Variants in CRACD observed in about 807,000 individuals in gnomAD.
The protein encoded by CRACD is capping protein inhibiting regulator of actin dynamics.
In CRACD, 56 loss-of-function variants were observed where a neutral mutation model predicts 106.8. The ratio of observed to expected loss-of-function variants is 0.52; its 90% CI spans 0.42 to 0.66. The LOEUF (loss-of-function observed/expected upper bound fraction) is 0.66, where lower values mean the gene tolerates loss of function less well. Ranked by LOEUF, CRACD falls within the 30% of genes least tolerant of loss-of-function variation. The pLI, the probability that CRACD is intolerant of heterozygous loss-of-function variation, is 0.00. For missense variants in CRACD, 1,730 were observed against 1,623.2 expected, an observed-to-expected ratio of 1.07 and a Z score of -1.13; for synonymous variants, 754 against 670.8, an observed-to-expected ratio of 1.12 and a Z score of -1.92.
chr4:56,324,118 G>A lies in CRACD; in HGVS notation c.3393G>A (p.Val1131=). The change falls in exon 10 of 11, where the codon GTG becomes GTA. Residue 1131 remains valine (V), a synonymous_variant. Transcript: ENST00000682029. ...KLSKENVSVS[V]QPGSSSVSRA... is the part of the protein sequence containing the mutation. ...TGCCCACGCAGGTCAGTGTCAGCGTGCAGCCTGGAAGCAGCAGTGTCAGCA... is the reference window on the plus strand; with the variant it reads ...TGCCCACGCAGGTCAGTGTCAGCGTACAGCCTGGAAGCAGCAGTGTCAGCA... 1 of 1,612,020 alleles carries A rather than the reference G, an allele frequency of 6.2e-7. No individual in the cohort carries two copies. Among genetic ancestry groups the A allele is most frequent in the East Asian group, 2.2e-5 (1 of 44,880 alleles).
At chr4:56,221,882 A>G (rs1739056753) in intron 2 of CRACD, among the ~76,000 whole-genome samples, 1 of 152,224 alleles carries the variant, frequency 6.6e-6, no homozygotes, top group Non-Finnish European at 1.5e-5. Context: ...TAAAAAGTCA[A>G]AAAACAGTAG....
chr4:56,155,441 T>G (rs114685553), intron 1 of CRACD, among the ~76,000 whole-genome samples: 1 of 152,172 alleles, frequency 6.6e-6, no homozygotes, highest in South Asian at 2.1e-4. Context: ...TGGGGATACA[T>G]GAGGAACCAG....
chr4:56,170,854 A>T (rs6814043), intron 1 of CRACD, among the ~76,000 whole-genome samples: 1 of 152,066 alleles, frequency 6.6e-6, no homozygotes, highest in South Asian at 2.1e-4. Flanking sequence ...AAACTATTAC[A>T]TGAATAATGG....
intron 3 of CRACD, among the ~76,000 whole-genome samples, chr4:56,287,483 G>A (rs1166153365): frequency 1.3e-5 from 2 of 152,054 alleles, no homozygotes; most frequent in Non-Finnish European, 2.9e-5. Flanking sequence ...GTTTCACCAC[G>A]TTGGCCAGGC....
At chr4:56,079,951 G>T (rs1732967737) in intron 1 of CRACD, among the ~76,000 whole-genome samples, 1 of 152,154 alleles carries the variant, frequency 6.6e-6, no homozygotes, top group Non-Finnish European at 1.5e-5. Flanking sequence ...ACAGGATAAG[G>T]AAGATTGCAA....
In CRACD at chr4:56,330,190, C is replaced by CTT. The variant is rs34984806; in HGVS notation, c.*2399_*2400dup. Among the ~76,000 whole-genome samples the CTT allele has an allele frequency of 6.1e-5, 9 of 147,852 alleles. No individual in the cohort carries two copies. The highest frequency in any genetic ancestry group is 2.2e-4 in the African/African-American group (9 of 40,340). On this transcript the variant is annotated 3_prime_UTR_variant, in exon 11 of 11. Transcript: ENST00000682029. ...GAATGATCACTATGTTAAATGCAAACTTTTTTTTTTTTTTATTTAAACAAA... is the reference window on the plus strand; with the variant it reads ...GAATGATCACTATGTTAAATGCAAACTTTTTTTTTTTTTTTTATTTAAACAAA...
intron 3 of CRACD, among the ~76,000 whole-genome samples, chr4:56,283,773 T>C (rs754155103): frequency 1.3e-5 from 2 of 152,214 alleles, no homozygotes; most frequent in Non-Finnish European, 2.9e-5. Flanking sequence ...ACTGTACTTC[T>C]AGTACATTTT....
intron 2 of CRACD, among the ~76,000 whole-genome samples, chr4:56,196,117 G>A (rs1219502460): frequency 6.6e-6 from 1 of 152,168 alleles, no homozygotes; most frequent in Admixed American, 6.5e-5. Context: ...AGTTTTTAGA[G>A]AGTGTGAAAA....
At chr4:56,306,169 G>A (rs11736632) in intron 4 of CRACD, among the ~76,000 whole-genome samples, 9,070 of 152,168 alleles carry the variant, frequency 0.06, 335 homozygotes, top group South Asian at 0.13. Context: ...GCTTTTTGCA[G>A]CTCTGTGGGG....
chr4:56,216,469 C>G (rs1489250962), intron 2 of CRACD, among the ~76,000 whole-genome samples: 3 of 152,132 alleles, frequency 2.0e-5, no homozygotes, highest in Non-Finnish European at 4.4e-5. Flanking sequence ...GTTCCAATCT[C>G]ATCTGCTAAA....
At chr4:56,136,839 CAA>C (rs1043370194) in intron 1 of CRACD, among the ~76,000 whole-genome samples, 8 of 152,156 alleles carry the variant, frequency 5.3e-5, no homozygotes, top group Non-Finnish European at 8.8e-5. Flanking sequence ...TTCAAGATAA[CAA>C]AGACTTTCTT....
chr4:56,184,694 T>C (rs1320367638), intron 2 of CRACD, among the ~76,000 whole-genome samples: 1 of 152,196 alleles, frequency 6.6e-6, no homozygotes, highest in African/African-American at 2.4e-5. Flanking sequence ...ACTTCTCTGC[T>C]ACCAACATTC....
intron 2 of CRACD, among the ~76,000 whole-genome samples, chr4:56,188,322 A>G (rs1340822536): frequency 6.6e-6 from 1 of 152,122 alleles, no homozygotes; most frequent in Non-Finnish European, 1.5e-5. Flanking sequence ...AATAATATAG[A>G]ACTTAAGAAT....
chr4:56,311,135 C>T (rs1233049193), intron 6 of CRACD: 1 of 172,588 alleles, frequency 5.8e-6, no homozygotes, highest in African/African-American at 2.4e-5. Flanking sequence ...AGCACTTTAG[C>T]ATTTCTCTAC....
chr4:56,089,198 C>T (rs1011282718), intron 1 of CRACD, among the ~76,000 whole-genome samples: 18 of 152,184 alleles, frequency 1.2e-4, no homozygotes, highest in Admixed American at 5.2e-4. Context: ...CTACCTTACC[C>T]GGAATTTGAA....
At chr4:56,094,575 T>A (rs1476000766) in intron 1 of CRACD, among the ~76,000 whole-genome samples, 1 of 152,098 alleles carries the variant, frequency 6.6e-6, no homozygotes, top group African/African-American at 2.4e-5. Context: ...CACTTTAGCC[T>A]CCCGAGTAGC....
intron 1 of CRACD, among the ~76,000 whole-genome samples, chr4:56,129,983 C>A (rs574689062): frequency 3.9e-4 from 60 of 152,246 alleles, no homozygotes; most frequent in African/African-American, 1.4e-3. Context: ...TTCTATAAAG[C>A]AGTAACCAGG....
rs150130533 is a variant in CRACD, at chr4:56,286,898, G to T, written c.-16-11316G>T. ...AAATAAAAGCTTCACCTGAGCAAAG[G>T]TTACAGTGTGTGAGCCCTAACCATT... On this transcript the variant is annotated intron_variant, in intron 3 of 10. Transcript: ENST00000682029. 8.9e-4 allele frequency among the ~76,000 whole-genome samples: 136 copies of T among 152,212 alleles called. 2 individuals are homozygous for T. The highest frequency in any genetic ancestry group is 3.4e-3 in the Middle Eastern group (1 of 294).
rs556353241 is a variant in CRACD, at chr4:56,302,649, C to CT, written c.120+4309dup. ...ATGTCTTTAATTCTGTATGCTTTTT[C>CT]TTTTTTTTTATTATTATTCATTTTA... is the stretch of plus-strand genomic sequence containing the variant. On this transcript the variant is annotated intron_variant, in intron 4 of 10. Transcript: ENST00000682029. Among the ~76,000 whole-genome samples the CT allele has an allele frequency of 2.4e-4, 36 of 151,692 alleles. No individual in the cohort carries two copies. The South Asian group carries it at 5.2e-3, about 22-fold the overall frequency.
Sources: gnomAD v4.1 joint callset for allele counts (sites outside exome capture counted in the v4.1 genomes callset) on GRCh38, gnomAD v4.1.1 for gene constraint, MANE v1.5 for transcripts, NCBI Gene and HGNC (gene_info 2026-07-23, HGNC 2026-07-21) for gene names.